ALG1L2: variants seen among roughly 807,000 people sequenced by gnomAD.
ALG1L2 encodes ALG1 chitobiosyldiphosphodolichol beta-mannosyltransferase like 2, also known as putative glycosyltransferase ALG1L2.
In ALG1L2, 32 loss-of-function variants were observed where a neutral mutation model predicts 29.0. That is an observed-to-expected ratio of 1.10 (90% CI 0.83 to 1.48). The LOEUF is 1.48. Among genes scored for constraint, ALG1L2 ranks in the 40% most tolerant of loss-of-function variants. The pLI is 0.00. For missense variants in ALG1L2, 318 were observed against 274.1 expected, an observed-to-expected ratio of 1.16 and a Z score of -1.13; for synonymous variants, 110 against 109.5, an observed-to-expected ratio of 1.00 and a Z score of -0.03.
chr3:130,097,985 T>C (rs1473975629), intron 7 of ALG1L2, among the ~76,000 whole-genome samples: 1 of 152,174 alleles, frequency 6.6e-6, no homozygotes, highest in Non-Finnish European at 1.5e-5. Flanking sequence ...ACGTACATCA[T>C]GTAGAGGCCG....
At position 130,081,884 on chromosome 3, in the gene ALG1L2, G is replaced by C. The variant is rs1272988546; in HGVS notation, c.-133G>C. On this transcript the variant is annotated 5_prime_UTR_variant, in exon 1 of 8. Transcript: ENST00000425059. ...GTGGAAATCACCCTCAAGTAGCAGAGACAGGTGTGCAAAGGCTCAGAGGGA... is the reference window on the plus strand; with the variant it reads ...GTGGAAATCACCCTCAAGTAGCAGACACAGGTGTGCAAAGGCTCAGAGGGA... 5.0e-6 allele frequency: 6 copies of C among 1,190,254 alleles called. No individual in the cohort carries two copies. The highest frequency in any genetic ancestry group is 7.3e-6 in the Non-Finnish European group (6 of 825,458). The allele number at this position is 1,190,254 out of a possible 1,614,324, so 73.7% of individuals were successfully genotyped here. A position where few individuals can be genotyped will look rare whatever the true frequency, so the allele number is the denominator to read the frequency against.
In ALG1L2 at chr3:130,092,239, G is replaced by A; in HGVS notation, c.253+17G>A. ...GCTGGACAGGTCTGCATGACCACTGGGGCACTTGGGGTTGGTGTGAAGGGC... is the reference window on the plus strand; with the variant it reads ...GCTGGACAGGTCTGCATGACCACTGAGGCACTTGGGGTTGGTGTGAAGGGC... On this transcript the variant is annotated intron_variant, in intron 3 of 7. Coordinates refer to ENST00000425059, the MANE Select transcript of ALG1L2 (RefSeq NM_001136152.1). The A allele has an allele frequency of 6.2e-7, 1 of 1,605,064 alleles. No homozygotes were observed. The highest frequency in any genetic ancestry group is 8.5e-7 in the Non-Finnish European group (1 of 1,176,774).
At chr3:130,090,222 G>C (rs62281733) in intron 1 of ALG1L2, among the ~76,000 whole-genome samples, 1 of 151,956 alleles carries the variant, frequency 6.6e-6, no homozygotes, top group Non-Finnish European at 1.5e-5. Flanking sequence ...TGGGCTTTGT[G>C]GTGGGTGCCT....
Position 130,082,021 on chromosome 3 carries a change from G to T in ALG1L2, c.5G>T (p.Gly2Val). 1.3e-6 allele frequency: 2 copies of T among 1,508,798 alleles called. No individual in the cohort carries two copies. Among genetic ancestry groups the T allele is most frequent in the Non-Finnish European group, 1.8e-6 (2 of 1,110,942 alleles). 93.5% of individuals were successfully genotyped at this position (1,508,798 alleles called of 1,614,324 possible). A position where few individuals can be genotyped will look rare whatever the true frequency, so the allele number is the denominator to read the frequency against. Residue 2 changes from glycine (G) to valine (V), a missense_variant, in exon 1 of 8, where the codon GGA becomes GTA. Transcript: ENST00000425059. MGATAGWAVTVY... is the reference protein window; with the variant it reads MVATAGWAVTVY... ...TGAATTTTAACCTGAAGGGACATGGGAGCTACTGCAGGCTGGTAAGCAGGG... is the reference window on the plus strand; with the variant it reads ...TGAATTTTAACCTGAAGGGACATGGTAGCTACTGCAGGCTGGTAAGCAGGG...
At chr3:130,097,658 AG>A (rs1394419763) in intron 7 of ALG1L2, among the ~76,000 whole-genome samples, 2 of 152,210 alleles carry the variant, frequency 1.3e-5, no homozygotes, top group Admixed American at 6.5e-5. Context: ...TCTTGTCAAC[AG>A]AATGATTGGG....
At chr3:130,089,882 A>G (rs1055808101) in intron 1 of ALG1L2, among the ~76,000 whole-genome samples, 1 of 152,280 alleles carries the variant, frequency 6.6e-6, no homozygotes, top group Non-Finnish European at 1.5e-5. Context: ...CTCTACTTAA[A>G]AATACAAAAA....
chr3:130,097,777 G>C (rs1489717096), intron 7 of ALG1L2, among the ~76,000 whole-genome samples: 1 of 152,180 alleles, frequency 6.6e-6, no homozygotes, highest in African/African-American at 2.4e-5. Flanking sequence ...CAGATCATCT[G>C]TAGATTAAGG....
At chr3:130,091,705 A>G (rs1577327990) in intron 2 of ALG1L2, 1 of 544,574 alleles carries the variant, frequency 1.8e-6, no homozygotes, top group Non-Finnish European at 3.4e-6. Flanking sequence ...CTGTGGCAGG[A>G]TCTGTGGACC....
rs769676785 is a variant in ALG1L2 at position 130,094,439 on chromosome 3, T to A, written c.350T>A (p.Ile117Asn). ...CTGAGGGAGTATTACAGCCGCCTCA[T>A]CCACCAGAAGCATTTCCAGCACATC... ...GPLREYYSRL[I>N]HQKHFQHIQV... is the part of the protein sequence containing the mutation. Residue 117 changes from isoleucine to asparagine, a missense_variant, in exon 5 of 8, where the codon ATC becomes AAC. By Grantham distance (149) the Ile-to-Asn change is moderately radical. Coordinates refer to ENST00000425059, the MANE Select transcript of ALG1L2 (RefSeq NM_001136152.1). 4 of 1,596,270 alleles carry A rather than the reference T, an allele frequency of 2.5e-6. No homozygotes were observed. The highest frequency in any genetic ancestry group is 3.4e-6 in the Non-Finnish European group (4 of 1,179,696).
At chr3:130,095,150 C>T (rs1439965920) in intron 5 of ALG1L2, among the ~76,000 whole-genome samples, 3 of 152,130 alleles carry the variant, frequency 2.0e-5, no homozygotes, top group Admixed American at 6.5e-5. Context: ...ACCTCAGCCT[C>T]CCGAGTAGAT....
At chr3:130,093,838 A>C (rs1166617388) in intron 4 of ALG1L2, 5 of 162,628 alleles carry the variant, frequency 3.1e-5, no homozygotes, top group Admixed American at 2.4e-4. Flanking sequence ...AGAAAAGCGG[A>C]AGCGGTGTGG....
chr3:130,087,499 C>CCACA (rs562373715), intron 1 of ALG1L2, among the ~76,000 whole-genome samples: 1 of 148,642 alleles, frequency 6.7e-6, no homozygotes, highest in East Asian at 1.9e-4. Context: ...TGAATGAGGT[C>CCACA]CATTAGAAAA....
At chr3:130,091,541 A>G (rs922128094) in intron 2 of ALG1L2, among the ~76,000 whole-genome samples, 170 bp downstream of exon 2, 1 of 152,198 alleles carries the variant, frequency 6.6e-6, no homozygotes, top group Non-Finnish European at 1.5e-5. Context: ...CACACTCATT[A>G]ACTTCTGAGT....
rs569827814 is a variant in ALG1L2 at position 130,096,766 on chromosome 3, G to A, written c.540-409G>A. Among the ~76,000 whole-genome samples the A allele has an allele frequency of 1.9e-4, 29 of 152,328 alleles. 1 individual carries two copies. Among genetic ancestry groups the A allele is most frequent in the East Asian group, 3.9e-4 (2 of 5,184 alleles). On this transcript the variant is annotated intron_variant, in intron 6 of 7. Transcript: ENST00000425059. The stretch of plus-strand genomic sequence containing the variant: ...TGGGATTCAGGGATGTGAGCCTCTC[G>A]TGTGAGCTGAGCTGAGGGAATGTCG...
chr3:130,097,000 C>A (rs544314212), intron 6 of ALG1L2, among the ~76,000 whole-genome samples, 175 bp from the exon 7 acceptor site: 2 of 152,184 alleles, frequency 1.3e-5, no homozygotes, highest in Non-Finnish European at 2.9e-5. Context: ...TGCACCCCCC[C>A]CAGGCTTTTA....
At chr3:130,092,452 T>G (rs1388240822) in intron 3 of ALG1L2, among the ~76,000 whole-genome samples, 4 of 152,204 alleles carry the variant, frequency 2.6e-5, no homozygotes, top group Non-Finnish European at 4.4e-5. Flanking sequence ...AAAGTAGGTG[T>G]GTGGCTGCGG....
chr3:130,087,384 G>C (rs1934914367), intron 1 of ALG1L2, among the ~76,000 whole-genome samples: 1 of 148,068 alleles, frequency 6.8e-6, no homozygotes, highest in Non-Finnish European at 1.5e-5. Flanking sequence ...CTGAGGATCT[G>C]TTCCAGGCTA....
intron 1 of ALG1L2, among the ~76,000 whole-genome samples, chr3:130,088,310 C>T (rs1934936405): frequency 6.6e-6 from 1 of 152,310 alleles, no homozygotes; most frequent in African/African-American, 2.4e-5. Context: ...TTGTAGTTCC[C>T]ATAATCACCA....
chr3:130,092,249 G>C (rs1239969254), intron 3 of ALG1L2, 27 bp downstream of exon 3: 16 of 1,602,788 alleles, frequency 1.0e-5, no homozygotes, highest in Non-Finnish European at 1.4e-5. Context: ...GGGCACTTGG[G>C]GTTGGTGTGA....
Sources: allele counts gnomAD v4.1 joint callset (sites outside exome capture counted in the v4.1 genomes callset), GRCh38; gene constraint gnomAD v4.1.1; transcripts MANE v1.5; gene names NCBI Gene and HGNC (gene_info 2026-07-23, HGNC 2026-07-21).